The following SORCS1 variants were observed in gnomAD, a reference collection of about 807,000 sequenced individuals.
SORCS1 encodes VPS10 domain-containing receptor SorCS1.
A neutral mutation model predicts 146.1 loss-of-function variants in SORCS1; 60 were observed. The ratio of observed to expected loss-of-function variants is 0.41; its 90% CI spans 0.33 to 0.51. The LOEUF is 0.51. SORCS1 is among the 20% of genes least tolerant of loss of function. SORCS1 has a pLI of 0.21. For missense variants in SORCS1, 1,352 were observed against 1,487.6 expected (o/e 0.91, Z 1.50); for synonymous variants, 637 against 584.0 (o/e 1.09, Z -1.31).
At chr10:107,010,640 A>G (rs1469780519) in intron 1 of SORCS1, among the ~76,000 whole-genome samples, 1 of 152,196 alleles carries the variant, frequency 6.6e-6, no homozygotes, top group Non-Finnish European at 1.5e-5. Flanking sequence ...AGCCCAACTC[A>G]GGAAAGTTAA....
chr10:106,943,960 C>T (rs1274444413), intron 2 of SORCS1, among the ~76,000 whole-genome samples: 2 of 152,144 alleles, frequency 1.3e-5, no homozygotes, highest in Non-Finnish European at 2.9e-5. Flanking sequence ...ATATGTTTCT[C>T]CCTTTCACCT....
intron 3 of SORCS1, among the ~76,000 whole-genome samples, chr10:106,809,779 T>C (rs1358966398): frequency 2.0e-5 from 3 of 152,258 alleles, no homozygotes; most frequent in Non-Finnish European, 4.4e-5. Flanking sequence ...TGTCTGTCTC[T>C]TTTCAAACAA....
rs374651757 is a variant in SORCS1 at position 106,670,819 on chromosome 10, G to A, written c.2189+418C>T. 3.4e-3 allele frequency among the ~76,000 whole-genome samples: 508 copies of A among 150,870 alleles called. 4 individuals are homozygous for A. Among genetic ancestry groups the A allele is most frequent in the African/African-American group, 0.012 (485 of 41,032 alleles). ...AGCGATTCTCCTGCTTCAGCCTCCC[G>A]AGCAGCTGGGATTACAGGTGTCCGC... On this transcript the variant is annotated intron_variant, in intron 16 of 25. Transcript: ENST00000263054.
intron 1 of SORCS1, among the ~76,000 whole-genome samples, chr10:106,997,759 C>T (rs568013797): frequency 2.6e-5 from 4 of 152,136 alleles, no homozygotes; most frequent in Non-Finnish European, 2.9e-5. Flanking sequence ...CAACAAAAGA[C>T]AGTAAATAAA....
chr10:106,816,553 C>A (rs1430148657), intron 3 of SORCS1, among the ~76,000 whole-genome samples: 1 of 152,164 alleles, frequency 6.6e-6, no homozygotes, highest in African/African-American at 2.4e-5. Context: ...AATTAGAGAG[C>A]TCTGCTGTTT....
At chr10:106,869,374 C>G (rs1320961627) in intron 2 of SORCS1, among the ~76,000 whole-genome samples, 1 of 152,144 alleles carries the variant, frequency 6.6e-6, no homozygotes, top group Non-Finnish European at 1.5e-5. Context: ...CAAAACCTCG[C>G]AGACACACAA....
At chr10:106,733,160 C>T (rs1856732462) in intron 5 of SORCS1, among the ~76,000 whole-genome samples, 1 of 149,354 alleles carries the variant, frequency 6.7e-6, no homozygotes, top group South Asian at 2.1e-4. Flanking sequence ...AAAAAAGAGG[C>T]AAGAGCAAAA....
intron 9 of SORCS1, among the ~76,000 whole-genome samples, chr10:106,694,266 T>C (rs529976707): frequency 6.6e-6 from 1 of 152,274 alleles, no homozygotes; most frequent in South Asian, 2.1e-4. Context: ...CATTCTTTTA[T>C]TATTATTATT....
chr10:106,791,032 C>G (rs1946293400), intron 3 of SORCS1, among the ~76,000 whole-genome samples: 1 of 152,136 alleles, frequency 6.6e-6, no homozygotes, highest in Non-Finnish European at 1.5e-5. Context: ...TGTTTTCAAT[C>G]TTTGTTTTAT....
intron 1 of SORCS1, among the ~76,000 whole-genome samples, chr10:107,136,671 C>A (rs185255142): frequency 2.0e-5 from 3 of 152,302 alleles, no homozygotes; most frequent in Admixed American, 2.0e-4. Context: ...TTCATAACCA[C>A]ATTGATTATT....
chr10:106,927,494 G>C (rs1049362733), intron 2 of SORCS1, among the ~76,000 whole-genome samples: 6 of 152,116 alleles, frequency 3.9e-5, no homozygotes, highest in Non-Finnish European at 7.4e-5. Flanking sequence ...ATTGCAAAGA[G>C]CGAAAGAATA....
intron 1 of SORCS1, among the ~76,000 whole-genome samples, chr10:107,074,755 G>A (rs1488338594): frequency 1.3e-5 from 2 of 151,946 alleles, no homozygotes; most frequent in Admixed American, 6.6e-5. Context: ...ATGTGTAGTG[G>A]TATCTTATTG....
chr10:106,772,005 T>C (rs1026267720), intron 4 of SORCS1, among the ~76,000 whole-genome samples: 5 of 152,164 alleles, frequency 3.3e-5, no homozygotes, highest in African/African-American at 1.2e-4. Context: ...GCAACTATGA[T>C]GGTGGTCAAT....
intron 4 of SORCS1, among the ~76,000 whole-genome samples, chr10:106,764,979 C>T (rs555728231): frequency 6.3e-5 from 9 of 142,890 alleles, no homozygotes; most frequent in Admixed American, 2.9e-4. Context: ...GCCGAGATCG[C>T]GCCACTGCAC....
At chr10:106,959,915 T>G (rs1955141540) in intron 1 of SORCS1, among the ~76,000 whole-genome samples, 1 of 152,156 alleles carries the variant, frequency 6.6e-6, no homozygotes, top group Non-Finnish European at 1.5e-5. Context: ...ATAGAAAAAC[T>G]GAGTTCAAGT....
intron 17 of SORCS1, among the ~76,000 whole-genome samples, chr10:106,662,643 T>A (rs1850820936): frequency 6.6e-6 from 1 of 152,216 alleles, no homozygotes; most frequent in South Asian, 2.1e-4. Flanking sequence ...GGGTTCCCAG[T>A]GGCTGCTTAA....
chr10:106,855,343 G>A (rs931760046), intron 2 of SORCS1, among the ~76,000 whole-genome samples: 1 of 151,984 alleles, frequency 6.6e-6, no homozygotes, highest in African/African-American at 2.4e-5. Flanking sequence ...TACCTATGTG[G>A]GGTTATGATG....
intron 13 of SORCS1, among the ~76,000 whole-genome samples, chr10:106,676,261 A>G (rs1273108826): frequency 6.6e-6 from 1 of 152,200 alleles, no homozygotes; most frequent in Non-Finnish European, 1.5e-5. Context: ...GAGCCTATTG[A>G]TAACTCCTCT....
intron 2 of SORCS1, among the ~76,000 whole-genome samples, chr10:106,874,583 A>C (rs1431844573): frequency 6.6e-6 from 1 of 152,238 alleles, no homozygotes; most frequent in Non-Finnish European, 1.5e-5. Context: ...ACTCAGATGA[A>C]AACAAAACTG....
Sources: allele counts gnomAD v4.1 joint callset (sites outside exome capture counted in the v4.1 genomes callset), GRCh38; gene constraint gnomAD v4.1.1; transcripts MANE v1.5; gene names NCBI Gene and HGNC (gene_info 2026-07-23, HGNC 2026-07-21).